The following PIK3CB variants were observed in gnomAD, a reference collection of about 807,000 sequenced individuals.
The protein encoded by PIK3CB is phosphatidylinositol 4,5-bisphosphate 3-kinase catalytic subunit beta isoform.
PIK3CB carries 39 observed loss-of-function variants against 136.8 expected under a neutral mutation model. The observed-to-expected ratio is 0.29, with a 90% CI of 0.22 to 0.37. PIK3CB has a LOEUF of 0.37. Ranked by LOEUF, PIK3CB falls within the 10% of genes least tolerant of loss-of-function variation. The pLI is 1.00. For synonymous variants in PIK3CB, 428 were observed against 436.6 expected, an observed-to-expected ratio of 0.98 and a Z score of 0.25; for missense variants, 868 against 1,275.4, an observed-to-expected ratio of 0.68 and a Z score of 4.87.
Position 138,816,697 on chromosome 3 carries a change from G to A in PIK3CB, c.-122+17998C>T, listed in dbSNP as rs528321285. ...ACTGGAGATTGTCAGTTAATTGCTA[G>A]TAACAATGAGCCTACCCTCACTGTG... On this transcript the variant is annotated intron_variant, in intron 1 of 23. Coordinates refer to ENST00000674063, the MANE Select transcript of PIK3CB (RefSeq NM_006219.3). Among the ~76,000 whole-genome samples the A allele has an allele frequency of 3.9e-5, 6 of 152,206 alleles. No individual in the cohort carries two copies. The South Asian group carries it at 1.2e-3, about 32-fold the overall frequency.
At chr3:138,659,282 C>A (rs1473860735) in intron 21 of PIK3CB, among the ~76,000 whole-genome samples, 2 of 152,208 alleles carry the variant, frequency 1.3e-5, no homozygotes, top group Non-Finnish European at 1.5e-5. Context: ...CTTATTCTGG[C>A]AGCCTCTGAG....
At chr3:138,737,668 C>A (rs761029672) in intron 6 of PIK3CB, 39 bp downstream of exon 6, 1 of 931,114 alleles carries the variant, frequency 1.1e-6, no homozygotes, top group South Asian at 1.9e-5. Flanking sequence ...TATATATACT[C>A]ATAGACTTTT....
chr3:138,705,996 C>A (rs2044371686), intron 11 of PIK3CB, among the ~76,000 whole-genome samples: 1 of 152,216 alleles, frequency 6.6e-6, no homozygotes, highest in Non-Finnish European at 1.5e-5. Context: ...AAGTTATCCT[C>A]CTGGTTCAGA....
At chr3:138,795,511 G>T (rs1255688192) in intron 2 of PIK3CB, among the ~76,000 whole-genome samples, 3 of 151,586 alleles carry the variant, frequency 2.0e-5, no homozygotes, top group Non-Finnish European at 4.4e-5. Context: ...CACGCCTGTA[G>T]TCCCAGCTAC....
At chr3:138,815,389 T>A (rs1367697714) in intron 1 of PIK3CB, among the ~76,000 whole-genome samples, 113 of 84,056 alleles carry the variant, frequency 1.3e-3, no homozygotes, top group Non-Finnish European at 2.0e-3. Context: ...GTCAAAACCA[T>A]AACAAAAGAT....
intron 19 of PIK3CB, among the ~76,000 whole-genome samples, chr3:138,677,839 G>A (rs895775632): frequency 1.3e-5 from 2 of 152,166 alleles, no homozygotes; most frequent in African/African-American, 4.8e-5. Flanking sequence ...AGGTTGCAGT[G>A]AGCTGAGATC....
At chr3:138,736,170 A>G (rs1447649664) in intron 6 of PIK3CB, among the ~76,000 whole-genome samples, 2 of 152,216 alleles carry the variant, frequency 1.3e-5, no homozygotes, top group African/African-American at 2.4e-5. Flanking sequence ...CAGTACTTCT[A>G]TGTTGCCCAC....
chr3:138,778,332 T>C, intron 2 of PIK3CB: 1 of 341,588 alleles, frequency 2.9e-6, no homozygotes, highest in South Asian at 2.3e-5. Flanking sequence ...TTTGGCATCA[T>C]GGGAGGAATC....
chr3:138,760,529 T>C (rs1167608493), intron 2 of PIK3CB, among the ~76,000 whole-genome samples: 3 of 152,102 alleles, frequency 2.0e-5, no homozygotes, highest in African/African-American at 7.2e-5. Flanking sequence ...GATACAACAA[T>C]AATAATTGGA....
intron 19 of PIK3CB, among the ~76,000 whole-genome samples, chr3:138,676,167 A>T (rs957226405): frequency 1.6e-4 from 25 of 152,252 alleles, no homozygotes; most frequent in African/African-American, 4.8e-4. Flanking sequence ...ATCTAAATGG[A>T]CATTTCACCA....
intron 4 of PIK3CB, 47 bp downstream of exon 4, chr3:138,755,707 A>G: frequency 1.2e-6 from 1 of 856,778 alleles, no homozygotes; most frequent in African/African-American, 1.7e-5. Context: ...TGTTTATATA[A>G]ATAGATATAT....
chr3:138,680,795 C>A (rs976098031), intron 19 of PIK3CB, among the ~76,000 whole-genome samples: 1 of 151,728 alleles, frequency 6.6e-6, no homozygotes, highest in African/African-American at 2.4e-5. Flanking sequence ...TCAAGCAATT[C>A]TCCTGCCTCA....
At chr3:138,760,759 T>C (rs2045652552) in intron 2 of PIK3CB, among the ~76,000 whole-genome samples, 2 of 151,930 alleles carry the variant, frequency 1.3e-5, no homozygotes, top group Admixed American at 6.6e-5. Context: ...TACAAAAAAT[T>C]GGCCAGGCGT....
At chr3:138,673,426 C>G (rs1342504132) in intron 19 of PIK3CB, among the ~76,000 whole-genome samples, 1 of 152,090 alleles carries the variant, frequency 6.6e-6, no homozygotes, top group Non-Finnish European at 1.5e-5. Flanking sequence ...ACATTACTTA[C>G]AAAGAACCGA....
intron 10 of PIK3CB, among the ~76,000 whole-genome samples, chr3:138,710,626 G>C (rs1208890471): frequency 5.3e-5 from 8 of 152,124 alleles, no homozygotes; most frequent in Non-Finnish European, 1.5e-5. Flanking sequence ...GTTTGAAACA[G>C]CTATGTAAGA....
intron 4 of PIK3CB, among the ~76,000 whole-genome samples, chr3:138,752,120 T>C (rs2045484075): frequency 1.3e-5 from 2 of 152,138 alleles, no homozygotes; most frequent in African/African-American, 4.8e-5. Context: ...ATTCTTTTAC[T>C]GAGTGTTTGG....
intron 19 of PIK3CB, among the ~76,000 whole-genome samples, chr3:138,671,736 G>A (rs2043536977): frequency 6.6e-6 from 1 of 152,254 alleles, no homozygotes; most frequent in African/African-American, 2.4e-5. Context: ...TCTGCGTAGA[G>A]GGGTGCCTCC....
At chr3:138,805,040 A>C (rs994631300) in intron 1 of PIK3CB, among the ~76,000 whole-genome samples, 2 of 135,652 alleles carry the variant, frequency 1.5e-5, no homozygotes, top group Admixed American at 7.7e-5. Flanking sequence ...AAGAAAAAAA[A>C]CCCTCAGTAT....
intron 13 of PIK3CB, among the ~76,000 whole-genome samples, chr3:138,698,129 A>T (rs1468496129): frequency 6.6e-6 from 1 of 152,232 alleles, no homozygotes; most frequent in African/African-American, 2.4e-5. Flanking sequence ...TTTAAAATGC[A>T]TATAATTAAG....
Sources: gnomAD v4.1 joint callset for allele counts (sites outside exome capture counted in the v4.1 genomes callset) on GRCh38, gnomAD v4.1.1 for gene constraint, MANE v1.5 for transcripts, NCBI Gene and HGNC (gene_info 2026-07-23, HGNC 2026-07-21) for gene names.